ADARB2: variants seen among roughly 807,000 people sequenced by gnomAD.
The protein encoded by ADARB2 is inactive double-stranded RNA-specific editase B2.
Under a neutral mutation model 62.2 loss-of-function variants are expected in ADARB2, and 25 were observed. The observed-to-expected ratio is 0.40, with a 90% confidence interval of 0.29 to 0.56. The LOEUF is 0.56. Among genes scored for constraint, ADARB2 ranks in the 20% least tolerant of loss-of-function variants. ADARB2 has a pLI of 0.43. For missense variants in ADARB2, 1,071 were observed against 1,077.4 expected (o/e 0.99, Z 0.08); for synonymous variants, 572 against 500.8 (o/e 1.14, Z -1.90).
At chr10:1,669,988 A>G (rs925312138) in intron 1 of ADARB2, among the ~76,000 whole-genome samples, 1 of 152,222 alleles carries the variant, frequency 6.6e-6, no homozygotes, top group African/African-American at 2.4e-5. Flanking sequence ...GCACATGGGA[A>G]GAAACCATTC....
At chr10:1,191,242 T>C (rs529387251) in intron 8 of ADARB2, among the ~76,000 whole-genome samples, 81 of 152,326 alleles carry the variant, frequency 5.3e-4, no homozygotes, top group African/African-American at 1.9e-3. Context: ...CCAGCGGGGC[T>C]CACGGTCCAG....
intron 2 of ADARB2, among the ~76,000 whole-genome samples, chr10:1,374,063 T>C (rs978265097): frequency 2.0e-5 from 3 of 152,184 alleles, no homozygotes; most frequent in African/African-American, 7.2e-5. Flanking sequence ...CGCCCTGGCA[T>C]GTCCTCCTGC....
chr10:1,441,533 C>T (rs1468516375), intron 1 of ADARB2, among the ~76,000 whole-genome samples: 1 of 152,156 alleles, frequency 6.6e-6, no homozygotes, highest in Non-Finnish European at 1.5e-5. Flanking sequence ...GTCCTTTAGA[C>T]ATATTATGTC....
chr10:1,675,716 A>G (rs1448660502), intron 1 of ADARB2, among the ~76,000 whole-genome samples: 1 of 152,004 alleles, frequency 6.6e-6, no homozygotes, highest in Non-Finnish European at 1.5e-5. Flanking sequence ...TCAGGGATGC[A>G]TGGATGTTCT....
intron 1 of ADARB2, among the ~76,000 whole-genome samples, chr10:1,673,314 A>ATGTGTGTGTGTGTG (rs66687699): frequency 0.03 from 4,480 of 149,614 alleles, 77 homozygotes; most frequent in East Asian, 0.081. Context: ...ATTTCATTTT[A>ATGTGTGTGTGTGTG]TGTGTGTGTG....
intron 1 of ADARB2, among the ~76,000 whole-genome samples, chr10:1,716,280 G>A (rs980618815): frequency 1.3e-5 from 2 of 152,230 alleles, no homozygotes; most frequent in African/African-American, 4.8e-5. Context: ...ACTCTGAAGA[G>A]CCAGAAAATG....
At chr10:1,301,146 T>C (rs1831568974) in intron 3 of ADARB2, among the ~76,000 whole-genome samples, 1 of 152,232 alleles carries the variant, frequency 6.6e-6, no homozygotes, top group African/African-American at 2.4e-5. Flanking sequence ...TCTCTTCAGT[T>C]ATGGTACTGA....
At chr10:1,198,497 G>A (rs1836939863) in intron 8 of ADARB2, among the ~76,000 whole-genome samples, 1 of 152,212 alleles carries the variant, frequency 6.6e-6, no homozygotes, top group African/African-American at 2.4e-5. Context: ...GACAGCTTAG[G>A]GGTTGCATGC....
Position 1,482,237 on chromosome 10 carries a change from G to C in ADARB2, c.101-103077C>G, listed in dbSNP as rs373351671. ...TCCTAACTTGCACTTGTGGGTATAC[G>C]TCCCAGATAATTGAAAGTGGGGCTA... On this transcript the variant is annotated intron_variant, in intron 1 of 9. Transcript: ENST00000381312. Among the ~76,000 whole-genome samples, 110 of 152,270 alleles carry C rather than the reference G, an allele frequency of 7.2e-4. No individual in the cohort carries two copies. The South Asian group carries it at 0.012, about 17-fold the overall frequency.
chr10:1,294,509 C>T (rs558324647), intron 3 of ADARB2, among the ~76,000 whole-genome samples: 4 of 152,262 alleles, frequency 2.6e-5, no homozygotes, highest in East Asian at 3.9e-4. Context: ...AACTGATTCT[C>T]GAAGAAGGCA....
intron 1 of ADARB2, among the ~76,000 whole-genome samples, chr10:1,420,928 G>A (rs1265111651): frequency 1.3e-5 from 2 of 152,108 alleles, no homozygotes. Flanking sequence ...ACTTCCCAAT[G>A]AAAGCGAAAT....
intron 1 of ADARB2, among the ~76,000 whole-genome samples, chr10:1,671,380 T>A (rs1834383000): frequency 6.6e-6 from 1 of 152,226 alleles, no homozygotes; most frequent in Non-Finnish European, 1.5e-5. Flanking sequence ...ACAAAACTGA[T>A]CATGTTGGTT....
At chr10:1,341,483 G>A (rs1832027449) in intron 3 of ADARB2, among the ~76,000 whole-genome samples, 1 of 139,482 alleles carries the variant, frequency 7.2e-6, no homozygotes, top group African/African-American at 2.8e-5. Flanking sequence ...GCCCCACAGT[G>A]GCAATAACCA....
intron 1 of ADARB2, among the ~76,000 whole-genome samples, chr10:1,451,467 C>G (rs1351546271): frequency 6.6e-6 from 1 of 152,204 alleles, no homozygotes; most frequent in Non-Finnish European, 1.5e-5. Context: ...AGCAGGATGA[C>G]AGCCACCTGT....
chr10:1,429,859 T>TTCCTCCCCTGTCTTACTCCTCTC (rs1255967709), intron 1 of ADARB2, among the ~76,000 whole-genome samples: 1 of 152,158 alleles, frequency 6.6e-6, no homozygotes, highest in African/African-American at 2.4e-5. Context: ...TCTCTCCTTT[T>TTCCTCCCCTGTCTTACTCCTCTC]TCCTCCCCTG....
intron 3 of ADARB2, chr10:1,289,915 A>G (rs1383636750): frequency 6.6e-6 from 1 of 151,384 alleles, no homozygotes; most frequent in Non-Finnish European, 1.5e-5. Flanking sequence ...GAGATGCGTT[A>G]GAGCAGGCAC....
At chr10:1,643,997 C>T (rs1321133928) in intron 1 of ADARB2, among the ~76,000 whole-genome samples, 1 of 152,182 alleles carries the variant, frequency 6.6e-6, no homozygotes, top group Non-Finnish European at 1.5e-5. Context: ...CGCACGCAGC[C>T]CACACGGCTG....
At chr10:1,611,521 TG>T (rs1239143637) in intron 1 of ADARB2, among the ~76,000 whole-genome samples, 3 of 151,804 alleles carry the variant, frequency 2.0e-5, no homozygotes, top group Non-Finnish European at 2.9e-5. Flanking sequence ...GCTGGGGAGG[TG>T]GGGGGTCTCG....
Position 1,182,838 on chromosome 10 carries a change from C to T in ADARB2, c.*355G>A, listed in dbSNP as rs1836696215. The T allele has an allele frequency of 1.8e-5, 4 of 216,324 alleles. No homozygotes were observed. Among genetic ancestry groups the T allele is most frequent in the Admixed American group, 1.1e-4 (2 of 18,490 alleles). The allele number at this position is 216,324 out of a possible 1,614,324, so 13.4% of individuals were successfully genotyped here. ...CGCACGCAGGGGTGGGGTGCAGGGACGGGGCCTGAGGCTCACTCCTGCCTG... is the reference window on the plus strand; with the variant it reads ...CGCACGCAGGGGTGGGGTGCAGGGATGGGGCCTGAGGCTCACTCCTGCCTG... On this transcript the variant is annotated 3_prime_UTR_variant, in exon 10 of 10. Transcript: ENST00000381312.
Sources: gnomAD v4.1 joint callset for allele counts (sites outside exome capture counted in the v4.1 genomes callset) on GRCh38, gnomAD v4.1.1 for gene constraint, MANE v1.5 for transcripts, NCBI Gene and HGNC (gene_info 2026-07-23, HGNC 2026-07-21) for gene names.